Variants in UBE2E2 observed in about 807,000 individuals in gnomAD.
UBE2E2 encodes ubiquitin-conjugating enzyme E2 E2.
A neutral mutation model predicts 24.7 loss-of-function variants in UBE2E2; 6 were observed. The observed-to-expected ratio is 0.24, with a 90% CI of 0.13 to 0.48. The LOEUF is 0.48. Ranked by LOEUF, UBE2E2 falls within the 20% of genes least tolerant of loss-of-function variation. The probability of loss-of-function intolerance (pLI) is 0.99; values close to 1 mark genes in which losing one functional copy is unlikely to be tolerated. For missense variants in UBE2E2, 169 were observed against 245.0 expected (o/e 0.69, Z 2.07); for synonymous variants, 104 against 83.6 (o/e 1.24, Z -1.33).
At chr3:23,478,768 T>C (rs1699191288) in intron 3 of UBE2E2, among the ~76,000 whole-genome samples, 1 of 152,122 alleles carries the variant, frequency 6.6e-6, no homozygotes, top group Non-Finnish European at 1.5e-5. Context: ...AGGTGAGTCA[T>C]GATGGCTCTT....
chr3:23,567,352 T>C (rs939041195), intron 5 of UBE2E2, among the ~76,000 whole-genome samples: 1 of 152,200 alleles, frequency 6.6e-6, no homozygotes, highest in African/African-American at 2.4e-5. Flanking sequence ...TAGAACATGT[T>C]GCCTAAGGGG....
chr3:23,566,214 A>G (rs1481660667), intron 5 of UBE2E2, among the ~76,000 whole-genome samples: 2 of 152,230 alleles, frequency 1.3e-5, no homozygotes, highest in African/African-American at 2.4e-5. Context: ...GCTGAAGACA[A>G]TAGTATGATA....
At chr3:23,306,421 A>C (rs904580480) in intron 3 of UBE2E2, among the ~76,000 whole-genome samples, 1 of 152,226 alleles carries the variant, frequency 6.6e-6, no homozygotes, top group African/African-American at 2.4e-5. Context: ...AATCCAGTCT[A>C]TATCCCCTTC....
intron 3 of UBE2E2, among the ~76,000 whole-genome samples, chr3:23,333,718 G>T (rs542661023): frequency 3.9e-5 from 6 of 152,066 alleles, no homozygotes; most frequent in African/African-American, 1.4e-4. Context: ...GTAGTATCTC[G>T]TAGTAGTTCG....
intron 3 of UBE2E2, among the ~76,000 whole-genome samples, chr3:23,391,457 G>A (rs1269925671): frequency 6.6e-6 from 1 of 152,148 alleles, no homozygotes; most frequent in African/African-American, 2.4e-5. Context: ...CTGGATACAG[G>A]CATGATGCAA....
At chr3:23,270,947 C>G (rs1394128955) in intron 3 of UBE2E2, 2 of 456,722 alleles carry the variant, frequency 4.4e-6, no homozygotes, top group Non-Finnish European at 8.8e-6. Flanking sequence ...CATTTGTTAA[C>G]AGGCTGTTCC....
intron 3 of UBE2E2, among the ~76,000 whole-genome samples, chr3:23,395,693 A>G (rs1436413050): frequency 1.3e-5 from 2 of 152,206 alleles, no homozygotes; most frequent in African/African-American, 4.8e-5. Flanking sequence ...TTCTAATGCT[A>G]ACAAGGGCAT....
intron 3 of UBE2E2, among the ~76,000 whole-genome samples, chr3:23,261,002 C>T (rs1697886842): frequency 6.6e-6 from 1 of 152,060 alleles, no homozygotes; most frequent in South Asian, 2.1e-4. Context: ...ACCTGGGAAG[C>T]TGATGTGGGA....
chr3:23,298,977 G>T (rs1478546028), intron 3 of UBE2E2, among the ~76,000 whole-genome samples: 1 of 152,130 alleles, frequency 6.6e-6, no homozygotes, highest in Admixed American at 6.5e-5. Context: ...CCTGTTATTG[G>T]TCTACTCAGA....
rs547588463 is a variant in UBE2E2 at position 23,256,632 on chromosome 3, G to A, written c.227+39320G>A. On this transcript the variant is annotated intron_variant, in intron 3 of 5. Transcript: ENST00000396703. ...AATTAATAAAATCCCTTTGAAATTAGGATTTATATATTTTCATAATTCTTA... is the reference window on the plus strand; with the variant it reads ...AATTAATAAAATCCCTTTGAAATTAAGATTTATATATTTTCATAATTCTTA... Among the ~76,000 whole-genome samples the A allele has an allele frequency of 1.4e-4, 21 of 148,518 alleles. No individual in the cohort carries two copies. In the East Asian group the frequency reaches 3.9e-3, roughly 28 times the overall value.
At position 23,352,578 on chromosome 3, in the gene UBE2E2, A is replaced by G. The variant is rs986323935; in HGVS notation, c.227+135266A>G. ...TCACCACCAATCCCACAGAAATGCA[A>G]ACTACCATCAGAGAATACTACAAAC... On this transcript the variant is annotated intron_variant, in intron 3 of 5. Transcript: ENST00000396703. 2.6e-5 allele frequency among the ~76,000 whole-genome samples: 4 copies of G among 152,346 alleles called. No individual in the cohort carries two copies. In the South Asian group the frequency reaches 6.2e-4, roughly 24 times the overall value.
intron 3 of UBE2E2, among the ~76,000 whole-genome samples, chr3:23,338,635 A>G (rs1360357812): frequency 6.6e-6 from 1 of 152,148 alleles, no homozygotes; most frequent in Non-Finnish European, 1.5e-5. Context: ...ACAGGATGAA[A>G]GTGGCAAAAT....
At chr3:23,221,764 G>A (rs531141501) in intron 3 of UBE2E2, among the ~76,000 whole-genome samples, 1 of 152,194 alleles carries the variant, frequency 6.6e-6, no homozygotes, top group Admixed American at 6.5e-5. Flanking sequence ...AGCTTCCCGA[G>A]TAGCTGGAAT....
At chr3:23,389,980 G>A (rs980117202) in intron 3 of UBE2E2, 1 of 152,268 alleles carries the variant, frequency 6.6e-6, no homozygotes, top group African/African-American at 2.4e-5. Flanking sequence ...GCTGCACCAG[G>A]CAACCCCAGT....
chr3:23,498,766 A>G (rs938194209), intron 3 of UBE2E2, among the ~76,000 whole-genome samples: 2 of 152,186 alleles, frequency 1.3e-5, no homozygotes, highest in African/African-American at 2.4e-5. Context: ...AGACCCAAGA[A>G]TGGCTTGAGC....
intron 3 of UBE2E2, among the ~76,000 whole-genome samples, chr3:23,408,802 A>C (rs184136896): frequency 6.6e-6 from 1 of 152,196 alleles, no homozygotes; most frequent in East Asian, 1.9e-4. Context: ...TATACTTGTT[A>C]CTTGGAGTAT....
chr3:23,306,974 A>G (rs1349891741), intron 3 of UBE2E2, among the ~76,000 whole-genome samples: 2 of 152,310 alleles, frequency 1.3e-5, no homozygotes, highest in East Asian at 1.9e-4. Context: ...TTTTCTCAAT[A>G]TGTTCATAGG....
rs554163096 is a variant in UBE2E2 at position 23,479,772 on chromosome 3, G to A, written c.228-19836G>A. ...ATGAATGTCCAGCTCTCAGCAGAGA[G>A]GAGACCTGTAGTGGCTAGCTCCTTT... On this transcript the variant is annotated intron_variant, in intron 3 of 5. Transcript: ENST00000396703. 3.3e-5 allele frequency among the ~76,000 whole-genome samples: 5 copies of A among 152,312 alleles called. No homozygotes were observed. The South Asian group carries it at 1.0e-3, about 32-fold the overall frequency.
In UBE2E2 at chr3:23,583,704, T is replaced by C. The variant is rs1696539790; in HGVS notation, c.509-6030T>C. 6.6e-6 allele frequency among the ~76,000 whole-genome samples: 1 copy of C among 152,236 alleles called. No homozygotes were observed. Among genetic ancestry groups the C allele is most frequent in the Non-Finnish European group, 1.5e-5 (1 of 68,044 alleles). On this transcript the variant is annotated intron_variant, in intron 5 of 5. Coordinates refer to ENST00000396703, the MANE Select transcript of UBE2E2 (RefSeq NM_152653.4). This position sits in a 1 kb window ranked among gnomAD's most constrained non-coding sequence, Gnocchi z 4.1. Reference sequence around the variant, plus strand: ...TGTGAATGGGATTGTGTTCTTGTTTTGGCTCTCAGCCTGTATGGTGTTGAT... The same window carrying C: ...TGTGAATGGGATTGTGTTCTTGTTTCGGCTCTCAGCCTGTATGGTGTTGAT...
Sources: gnomAD v4.1 joint callset for allele counts (sites outside exome capture counted in the v4.1 genomes callset) on GRCh38, gnomAD v4.1.1 for gene constraint, Gnocchi (gnomAD v3.1) non-coding constraint, MANE v1.5 for transcripts, NCBI Gene and HGNC (gene_info 2026-07-23, HGNC 2026-07-21) for gene names.